The following CEP135 variants were observed in gnomAD, a reference collection of about 807,000 sequenced individuals.
The protein encoded by CEP135 is centrosomal protein of 135 kDa.
Under a neutral mutation model 157.3 loss-of-function variants are expected in CEP135, and 142 were observed. The observed-to-expected ratio is 0.90, with a 90% CI of 0.79 to 1.04. The LOEUF (loss-of-function observed/expected upper bound fraction) is 1.04, where lower values mean the gene tolerates loss of function less well. Ranked by LOEUF, CEP135 falls within the 50% of genes least tolerant of loss-of-function variation. The probability of loss-of-function intolerance (pLI) is 0.00; values close to 1 mark genes in which losing one functional copy is unlikely to be tolerated. For synonymous variants in CEP135, 396 were observed against 439.8 expected, an observed-to-expected ratio of 0.90 and a Z score of 1.25; for missense variants, 1,317 against 1,309.2, an observed-to-expected ratio of 1.01 and a Z score of -0.09.
intron 12 of CEP135, 137 bp from the exon 13 acceptor site, chr4:55,981,090 T>A: frequency 1.4e-6 from 1 of 728,788 alleles, no homozygotes; most frequent in South Asian, 2.5e-5. Context: ...ATTTTAATCT[T>A]TTGTTGGGAT....
At chr4:55,955,072 C>A (rs1191966848) in intron 4 of CEP135, among the ~76,000 whole-genome samples, 1 of 151,170 alleles carries the variant, frequency 6.6e-6, no homozygotes, top group African/African-American at 2.4e-5. Context: ...TAGAGTGAGA[C>A]CCTGTCTCAA....
intron 10 of CEP135, 132 bp downstream of exon 10, chr4:55,971,540 A>G (rs772764058): frequency 2.2e-5 from 19 of 867,504 alleles, no homozygotes; most frequent in African/African-American, 5.3e-5. Context: ...GTCAAAAACC[A>G]TAGTAGTTAC....
chr4:55,991,812 G>GT (rs1306113462), intron 14 of CEP135, 122 bp from the exon 15 acceptor site: 3 of 633,418 alleles, frequency 4.7e-6, no homozygotes, highest in South Asian at 3.0e-5. Flanking sequence ...GACTTATAAA[G>GT]TTTTTTTAAA....
chr4:55,959,142 A>G (rs1009721372), intron 5 of CEP135, among the ~76,000 whole-genome samples: 6 of 152,186 alleles, frequency 3.9e-5, no homozygotes, highest in African/African-American at 7.2e-5. Context: ...ATGAAAATGG[A>G]TTAATTATGT....
Position 56,016,579 on chromosome 4 carries a change from G to C in CEP135, c.2803-1069G>C, listed in dbSNP as rs539111980. Among the ~76,000 whole-genome samples, 8 of 152,146 alleles carry C rather than the reference G, an allele frequency of 5.3e-5. No individual in the cohort carries two copies. The East Asian group carries it at 1.5e-3, about 29-fold the overall frequency. On this transcript the variant is annotated intron_variant, in intron 21 of 25. Coordinates refer to ENST00000257287, the MANE Select transcript of CEP135 (RefSeq NM_025009.5). ...TAAAGTATTATATTTGTTTAGGGGA[G>C]CTTTTATTAATGCACTAAAAAATCT...
chr4:56,008,394 A>G lies in CEP135; in HGVS notation c.2336+12A>G. The G allele has an allele frequency of 6.3e-7, 1 of 1,595,940 alleles. No individual in the cohort carries two copies. The highest frequency in any genetic ancestry group is 2.3e-5 in the East Asian group (1 of 44,244). On this transcript the variant is annotated intron_variant, in intron 18 of 25. Coordinates refer to ENST00000257287, the MANE Select transcript of CEP135 (RefSeq NM_025009.5). ...GAATCATCTGTGAAGTAAGTCATTA[A>G]TGAAATTACATCCAGCTTTTTAGGA...
intron 1 of CEP135, among the ~76,000 whole-genome samples, chr4:55,950,101 G>A (rs1014640365): frequency 7.9e-5 from 12 of 152,274 alleles, no homozygotes; most frequent in African/African-American, 2.9e-4. Context: ...GTCTCTTGTG[G>A]AAAGAACCTA....
chr4:55,981,285 A>T lies in CEP135; in HGVS notation c.1685A>T (p.Asn562Ile). The T allele has an allele frequency of 6.3e-7, 1 of 1,598,724 alleles. No homozygotes were observed. The highest frequency in any genetic ancestry group is 8.5e-7 in the Non-Finnish European group (1 of 1,175,100). The part of the protein sequence containing the change: ...KESTQTTAPH[N>I]IVSLMEKEKE... ...TCCACCCAAACCACAGCACCCCATA[A>T]TATTGTTAGTCTTATGGAAAAGGAA... Residue 562 changes from asparagine (N) to isoleucine (I), a missense_variant, in exon 13 of 26, where the codon AAT (asparagine) becomes ATT (isoleucine). Asn to Ile is a moderately radical substitution (Grantham distance 149). Transcript: ENST00000257287.
At chr4:56,019,730 G>A (rs923559478) in intron 23 of CEP135, among the ~76,000 whole-genome samples, 175 bp downstream of exon 23, 4 of 151,928 alleles carry the variant, frequency 2.6e-5, no homozygotes, top group African/African-American at 9.7e-5. Context: ...GAGCTCAGGA[G>A]TTTGAGACTA....
chr4:55,994,994 T>A (rs747419437), intron 15 of CEP135, among the ~76,000 whole-genome samples: 4 of 152,168 alleles, frequency 2.6e-5, no homozygotes, highest in Non-Finnish European at 4.4e-5. Context: ...CTAAGCATAG[T>A]TTAATTGTCC....
intron 8 of CEP135, among the ~76,000 whole-genome samples, chr4:55,968,518 A>G (rs564077762): frequency 2.0e-5 from 3 of 152,122 alleles, no homozygotes; most frequent in Non-Finnish European, 4.4e-5. Flanking sequence ...GTTTCATTAC[A>G]ACACTCCTAT....
At chr4:56,024,154 A>G (rs1350699873) in intron 24 of CEP135, among the ~76,000 whole-genome samples, 2 of 146,526 alleles carry the variant, frequency 1.4e-5, no homozygotes, top group Non-Finnish European at 3.0e-5. Flanking sequence ...TAATTAGTAT[A>G]TCAGTATTAC....
intron 21 of CEP135, among the ~76,000 whole-genome samples, chr4:56,017,179 A>C (rs1730805942): frequency 6.6e-6 from 1 of 152,100 alleles, no homozygotes; most frequent in Non-Finnish European, 1.5e-5. Flanking sequence ...TTTACTATTT[A>C]TTTAAGTTAA....
chr4:55,979,202 G>C (rs1051179105), intron 11 of CEP135, among the ~76,000 whole-genome samples: 1 of 152,030 alleles, frequency 6.6e-6, no homozygotes, highest in African/African-American at 2.4e-5. Flanking sequence ...GTAACATTAA[G>C]ATACCATAGA....
Position 56,024,578 on chromosome 4 carries a change from A to G in CEP135, c.3398A>G (p.His1133Arg). ...PLSSTLRSPS[H>R]SPEHRNV ...AGTTCCACTCTGAGGTCTCCTTCAC[A>G]TTCTCCTGAACATAGAAATGTGTAA... The change falls in exon 25 of 26, where the codon CAT (histidine) becomes CGT (arginine). Residue 1133 changes from histidine (H) to arginine (R), a missense_variant. Transcript: ENST00000257287. 1.9e-6 allele frequency: 3 copies of G among 1,613,146 alleles called. No homozygotes were observed. The highest frequency in any genetic ancestry group is 2.5e-6 in the Non-Finnish European group (3 of 1,179,206).
At chr4:55,995,209 G>T (rs181993789) in intron 15 of CEP135, among the ~76,000 whole-genome samples, 1 of 152,226 alleles carries the variant, frequency 6.6e-6, no homozygotes, top group African/African-American at 2.4e-5. Flanking sequence ...TATTCCCCTG[G>T]AGCATGCTAG....
At chr4:55,965,888 A>T (rs372451633) in intron 8 of CEP135, 29 bp downstream of exon 8, 1 of 1,543,870 alleles carries the variant, frequency 6.5e-7, no homozygotes, top group Non-Finnish European at 8.9e-7. Context: ...AGATTGTGAG[A>T]GTGTTCATTA....
chr4:56,010,830 A>C (rs1361770403), intron 19 of CEP135, among the ~76,000 whole-genome samples: 1 of 152,222 alleles, frequency 6.6e-6, no homozygotes, highest in Non-Finnish European at 1.5e-5. Context: ...CATATTGATG[A>C]AATATGAATG....
intron 10 of CEP135, among the ~76,000 whole-genome samples, chr4:55,971,609 T>C (rs1415781514): frequency 6.6e-6 from 1 of 152,172 alleles, no homozygotes; most frequent in Non-Finnish European, 1.5e-5. Context: ...TTTTGGCTAG[T>C]TTATACAGGG....
Sources: gnomAD v4.1 joint callset for allele counts (sites outside exome capture counted in the v4.1 genomes callset) on GRCh38, gnomAD v4.1.1 for gene constraint, MANE v1.5 for transcripts, NCBI Gene and HGNC (gene_info 2026-07-23, HGNC 2026-07-21) for gene names.